SLC6A17: variants seen among roughly 807,000 people sequenced by gnomAD.
SLC6A17 encodes sodium-dependent neutral amino acid transporter SLC6A17.
Under a neutral mutation model 64.5 loss-of-function variants are expected in SLC6A17, and 21 were observed. The ratio of observed to expected loss-of-function variants is 0.33; its 90% CI spans 0.23 to 0.47. SLC6A17 has a LOEUF of 0.47. Ranked by LOEUF, SLC6A17 falls within the 20% of genes least tolerant of loss-of-function variation. The pLI is 1.00. For missense variants in SLC6A17, 682 were observed against 963.2 expected, an observed-to-expected ratio of 0.71 and a Z score of 3.86; for synonymous variants, 372 against 399.5, an observed-to-expected ratio of 0.93 and a Z score of 0.82.
At chr1:110,155,330 T>A (rs908004782) in intron 1 of SLC6A17, among the ~76,000 whole-genome samples, 20 of 152,214 alleles carry the variant, frequency 1.3e-4, no homozygotes, top group African/African-American at 3.9e-4. Context: ...CCAGTTTTTT[T>A]TAAAAAATAC....
chr1:110,196,352 G>T (rs1435073518), intron 10 of SLC6A17, among the ~76,000 whole-genome samples: 1 of 152,118 alleles, frequency 6.6e-6, no homozygotes, highest in Non-Finnish European at 1.5e-5. Flanking sequence ...CATTGTCCTT[G>T]TCCTTGGCAA....
intron 8 of SLC6A17, among the ~76,000 whole-genome samples, chr1:110,193,082 C>G (rs1224173264): frequency 6.6e-6 from 1 of 152,208 alleles, no homozygotes; most frequent in African/African-American, 2.4e-5. Context: ...CCGTTGCTGT[C>G]TATCTCTTTT....
intron 11 of SLC6A17, 93 bp from the exon 12 acceptor site, chr1:110,197,983 C>CGTAT: frequency 6.6e-7 from 1 of 1,515,364 alleles, no homozygotes; most frequent in South Asian, 1.3e-5. Context: ...GAGTGGAAGG[C>CGTAT]CATGGGTGAG....
chr1:110,189,409 A>G (rs569122446), intron 6 of SLC6A17, among the ~76,000 whole-genome samples: 16 of 152,022 alleles, frequency 1.1e-4, no homozygotes, highest in Non-Finnish European at 1.5e-4. Context: ...TCCATCCCGA[A>G]GGTCTCCTTG....
chr1:110,155,918 T>C (rs765767939), intron 1 of SLC6A17, among the ~76,000 whole-genome samples: 53 of 152,200 alleles, frequency 3.5e-4, no homozygotes, highest in Non-Finnish European at 4.0e-4. Context: ...CAATGTTTGC[T>C]AAAACTACCT....
At chr1:110,191,538 A>G (rs534970265) in intron 6 of SLC6A17, among the ~76,000 whole-genome samples, 1 of 152,166 alleles carries the variant, frequency 6.6e-6, no homozygotes, top group African/African-American at 2.4e-5. Context: ...TGGTATTCTC[A>G]GTTTTCTTGT....
chr1:110,192,218 G>T lies in SLC6A17; in HGVS notation c.1106+5G>T. 2.5e-6 allele frequency: 4 copies of T among 1,604,942 alleles called. No homozygotes were observed. Among genetic ancestry groups the T allele is most frequent in the Non-Finnish European group, 3.4e-6 (4 of 1,173,186 alleles). The stretch of plus-strand genomic sequence containing the variant: ...GAATGAGAAGTGTGTGGTCGAGTAG[G>T]TGGCATCTCTCCTCCTGTCCCTCCT... On this transcript the variant is annotated splice_donor_5th_base_variant and intron_variant, in intron 7 of 11. Coordinates refer to ENST00000331565, the MANE Select transcript of SLC6A17 (RefSeq NM_001010898.4). The surrounding 1 kb of genome is among the most constrained non-coding windows in gnomAD (Gnocchi z 4.3).
rs764725330 is a variant in SLC6A17 at position 110,172,151 on chromosome 1, C to T, written c.378C>T (p.Arg126=). 43 of 1,613,092 alleles carry T rather than the reference C, an allele frequency of 2.7e-5. No individual in the cohort carries two copies. Among genetic ancestry groups the T allele is most frequent in the African/African-American group, 4.0e-5 (3 of 74,884 alleles). The change falls in exon 3 of 12, where the codon CGC becomes CGT. Residue 126 remains arginine, a synonymous_variant. Coordinates refer to ENST00000331565, the MANE Select transcript of SLC6A17 (RefSeq NM_001010898.4). ...TGGCTGTGGGTCAGAGGATCCGCCG[C>T]GGCAGCATCGGTGTGTGGCACTATA... ...LELAVGQRIR[R]GSIGVWHYIC...
At chr1:110,180,839 T>C (rs537780600) in intron 6 of SLC6A17, among the ~76,000 whole-genome samples, 1 of 152,222 alleles carries the variant, frequency 6.6e-6, no homozygotes, top group South Asian at 2.1e-4. Context: ...AGTCCAAGAA[T>C]TTTTGGCCAG....
Position 110,192,277 on chromosome 1 carries a change from G to GTGCATGGGGACGCA in SLC6A17, c.1106+64_1106+65insTGCATGGGGACGCA. 2 of 1,566,666 alleles carry GTGCATGGGGACGCA rather than the reference G, an allele frequency of 1.3e-6. No individual in the cohort carries two copies. Among genetic ancestry groups the GTGCATGGGGACGCA allele is most frequent in the Non-Finnish European group, 1.7e-6 (2 of 1,153,230 alleles). On this transcript the variant is annotated intron_variant, in intron 7 of 11. Transcript: ENST00000331565. This position sits in a 1 kb window ranked among gnomAD's most constrained non-coding sequence, Gnocchi z 4.3. ...TCTACCTTACCTGGGAGTGGGCAGGGGTGGGGGCGCAGGTGTGCATGGGGA... is the reference window on the plus strand; with the variant it reads ...TCTACCTTACCTGGGAGTGGGCAGGGTGCATGGGGACGCAGTGGGGGCGCAGGTGTGCATGGGGA...
At chr1:110,152,597 C>A (rs1416748975) in intron 1 of SLC6A17, among the ~76,000 whole-genome samples, 2 of 152,080 alleles carry the variant, frequency 1.3e-5, no homozygotes, top group Non-Finnish European at 2.9e-5. Context: ...CAGGGCCAGG[C>A]TGGGCTGGGC....
At chr1:110,173,491 G>A (rs1177873363) in intron 3 of SLC6A17, among the ~76,000 whole-genome samples, 1 of 152,190 alleles carries the variant, frequency 6.6e-6, no homozygotes, top group Non-Finnish European at 1.5e-5. Context: ...CTTTCTAGAG[G>A]CAGGCTGCTA....
At chr1:110,170,536 G>A (rs1282174363) in intron 2 of SLC6A17, among the ~76,000 whole-genome samples, 2 of 152,194 alleles carry the variant, frequency 1.3e-5, no homozygotes, top group African/African-American at 2.4e-5. Context: ...TCCTGCAGCA[G>A]ATCACTTAGC....
intron 1 of SLC6A17, among the ~76,000 whole-genome samples, chr1:110,154,069 G>T (rs1655687639): frequency 6.6e-6 from 1 of 152,214 alleles, no homozygotes; most frequent in Non-Finnish European, 1.5e-5. Context: ...AGGGGTGAGT[G>T]CTGTTCTGGA....
In SLC6A17 at chr1:110,172,046, T is replaced by G. The variant is rs765953516; in HGVS notation, c.287-14T>G. On this transcript the variant is annotated splice_polypyrimidine_tract_variant and intron_variant, in intron 2 of 11. Coordinates refer to ENST00000331565, the MANE Select transcript of SLC6A17 (RefSeq NM_001010898.4). ...CTCCAGAGCCCCTCTGCCATCCCTC[T>G]GCTCTCCCCACAGGTGCTTACCTGG... 4 of 1,613,644 alleles carry G rather than the reference T, an allele frequency of 2.5e-6. No homozygotes were observed. The Admixed American group carries it at 6.7e-5, about 27-fold the overall frequency.
intron 1 of SLC6A17, among the ~76,000 whole-genome samples, chr1:110,163,213 T>C (rs1372951915): frequency 1.3e-5 from 2 of 151,930 alleles, no homozygotes; most frequent in East Asian, 3.9e-4. Flanking sequence ...TGGGGTGTGG[T>C]GCATGGTAGG....
chr1:110,187,097 A>T (rs1267381480), intron 6 of SLC6A17, among the ~76,000 whole-genome samples: 1 of 151,428 alleles, frequency 6.6e-6, no homozygotes, highest in Non-Finnish European at 1.5e-5. Context: ...AAGCGACGTG[A>T]CCAGAGCTGT....
chr1:110,186,136 C>T (rs1411568730), intron 6 of SLC6A17, among the ~76,000 whole-genome samples: 2 of 152,124 alleles, frequency 1.3e-5, no homozygotes, highest in Admixed American at 1.3e-4. Flanking sequence ...GCAATCTTAA[C>T]AAACAAATTT....
At chr1:110,190,921 T>G (rs1387656516) in intron 6 of SLC6A17, among the ~76,000 whole-genome samples, 3 of 152,208 alleles carry the variant, frequency 2.0e-5, no homozygotes, top group Non-Finnish European at 4.4e-5. Flanking sequence ...GAGCAAGTCA[T>G]TTCATCTTTG....
Sources: gnomAD v4.1 joint callset for allele counts (sites outside exome capture counted in the v4.1 genomes callset) on GRCh38, gnomAD v4.1.1 for gene constraint, Gnocchi (gnomAD v3.1) non-coding constraint, MANE v1.5 for transcripts, NCBI Gene and HGNC (gene_info 2026-07-23, HGNC 2026-07-21) for gene names.